Variants in SCAI observed in about 807,000 individuals in gnomAD.
The protein encoded by SCAI is suppressor of cancer cell invasion, also known as protein SCAI.
Under a neutral mutation model 92.2 loss-of-function variants are expected in SCAI, and 24 were observed. That is an observed-to-expected ratio of 0.26 (90% CI 0.19 to 0.37). SCAI has a LOEUF of 0.37. Among genes scored for constraint, SCAI ranks in the 10% least tolerant of loss-of-function variants. SCAI has a pLI of 1.00. For synonymous variants in SCAI, 261 were observed against 258.6 expected (o/e 1.01, Z -0.09); for missense variants, 450 against 736.2 (o/e 0.61, Z 4.50).
chr9:125,104,095 G>A (rs1834729023), intron 2 of SCAI, among the ~76,000 whole-genome samples: 1 of 152,140 alleles, frequency 6.6e-6, no homozygotes, highest in East Asian at 1.9e-4. Context: ...ATTACCACAA[G>A]TAGAAACAAA....
At chr9:125,019,515 T>G (rs572424791) in intron 7 of SCAI, among the ~76,000 whole-genome samples, 1 of 151,610 alleles carries the variant, frequency 6.6e-6, no homozygotes, top group Non-Finnish European at 1.5e-5. Flanking sequence ...TAAAAAAAAA[T>G]GAGGCTGGAT....
intron 3 of SCAI, among the ~76,000 whole-genome samples, chr9:125,052,555 C>T (rs1053934154): frequency 4.6e-5 from 7 of 151,718 alleles, no homozygotes; most frequent in Admixed American, 2.0e-4. Context: ...ACCCAGGAGG[C>T]GGAGGTTGCA....
chr9:125,041,046 T>G (rs1833310148), intron 3 of SCAI, among the ~76,000 whole-genome samples: 1 of 152,170 alleles, frequency 6.6e-6, no homozygotes, highest in African/African-American at 2.4e-5. Flanking sequence ...TGAAAAAAGA[T>G]CTGCATTTTT....
chr9:124,952,628 T>G lies in SCAI; in HGVS notation c.*179A>C. 2.0e-6 allele frequency: 1 copy of G among 500,910 alleles called. No individual in the cohort carries two copies. Among genetic ancestry groups the G allele is most frequent in the Non-Finnish European group, 3.4e-6 (1 of 291,432 alleles). The allele number at this position is 500,910 out of a possible 1,614,324, so 31.0% of individuals were successfully genotyped here. ...TAAGATTTTAAAAGACCTGAAAGGT[T>G]GCATTTTAAAACAGTTACCCTAAAA... On this transcript the variant is annotated 3_prime_UTR_variant, in exon 18 of 18. Coordinates refer to ENST00000336505, the MANE Select transcript of SCAI (RefSeq NM_001144877.3).
At chr9:124,996,405 G>A (rs1832240777) in intron 13 of SCAI, among the ~76,000 whole-genome samples, 1 of 152,100 alleles carries the variant, frequency 6.6e-6, no homozygotes, top group Admixed American at 6.6e-5. Flanking sequence ...AGGCTCAAGT[G>A]ATACTCCTGC....
chr9:125,128,069 T>C (rs1047681182), intron 2 of SCAI, among the ~76,000 whole-genome samples: 1 of 151,532 alleles, frequency 6.6e-6, no homozygotes, highest in African/African-American at 2.4e-5. Context: ...TTCCAGAACT[T>C]TGGGAGGCTG....
In SCAI at chr9:124,946,551, G is replaced by A. The variant is rs10986488; in HGVS notation, c.*6256C>T. 1 of 152,026 alleles carries A rather than the reference G, an allele frequency of 6.6e-6. No individual in the cohort carries two copies. The highest frequency in any genetic ancestry group is 2.4e-5 in the African/African-American group (1 of 41,406). The allele number at this position is 152,026 out of a possible 1,614,324, so 9.4% of individuals were successfully genotyped here. A position where few individuals can be genotyped will look rare whatever the true frequency, so the allele number is the denominator to read the frequency against. Reference sequence around the variant, plus strand: ...TAATTTCTGCAGTGAATGTATTTAAGTGTATATTAAACATCTCCTACACTC... The same window carrying A: ...TAATTTCTGCAGTGAATGTATTTAAATGTATATTAAACATCTCCTACACTC... On this transcript the variant is annotated 3_prime_UTR_variant, in exon 18 of 18. Transcript: ENST00000336505. The surrounding 1 kb of genome is among the most constrained non-coding windows in gnomAD (Gnocchi z 4.0).
chr9:125,075,910 C>T (rs1421898819), intron 2 of SCAI, among the ~76,000 whole-genome samples: 2 of 151,966 alleles, frequency 1.3e-5, no homozygotes, highest in African/African-American at 2.4e-5. Context: ...GTTGGCCAGG[C>T]TGGTCTCGAA....
chr9:124,976,054 C>T, intron 15 of SCAI, 60 bp downstream of exon 15: 1 of 1,043,364 alleles, frequency 9.6e-7, no homozygotes, highest in Non-Finnish European at 1.5e-6. Flanking sequence ...CAGTACTATT[C>T]ATAATATAGA....
chr9:125,013,572 C>T lies in SCAI; in HGVS notation c.861+5227G>A, dbSNP rs1344759949. Among the ~76,000 whole-genome samples the T allele has an allele frequency of 1.9e-4, 29 of 151,168 alleles. No individual in the cohort carries two copies. In the East Asian group the frequency reaches 4.5e-3, roughly 23 times the overall value. On this transcript the variant is annotated intron_variant, in intron 9 of 17. Coordinates refer to ENST00000336505, the MANE Select transcript of SCAI (RefSeq NM_001144877.3). ...CAACCAAAAAGAGTCCAGGACCAGA[C>T]GGATTCACAGCCGAATGCTACCAGA...
intron 2 of SCAI, among the ~76,000 whole-genome samples, chr9:125,056,591 G>A (rs1021708499): frequency 6.6e-6 from 1 of 152,144 alleles, no homozygotes; most frequent in Non-Finnish European, 1.5e-5. Context: ...TTGAATGCCT[G>A]TTATGTTCTA....
chr9:124,978,107 A>G (rs1221719226), intron 14 of SCAI, among the ~76,000 whole-genome samples: 2 of 152,170 alleles, frequency 1.3e-5, no homozygotes, highest in East Asian at 3.8e-4. Context: ...TGAAGAAAAT[A>G]TCTGGAACTC....
chr9:125,142,665 TG>T lies in SCAI; in HGVS notation c.65del (p.Thr22LysfsTer55), dbSNP rs1288005174. ...TCCGTTTTCGAGGCGGTTTCTCCAC[TG>T]TGCCAGTCAGTCTGCAGACCAAACA... Reference protein sequence around the residue: ...RSRLAPRLTGTVEKPPRKRRS... With the variant: ...RSRLAPRLTGXVEKPPRKRRS... On this transcript the variant is annotated frameshift_variant, in exon 2 of 18. Coordinates refer to ENST00000336505, the MANE Select transcript of SCAI (RefSeq NM_001144877.3). LOFTEE classifies it high-confidence loss of function. 6.2e-7 allele frequency: 1 copy of T among 1,613,820 alleles called. No individual in the cohort carries two copies. The highest frequency in any genetic ancestry group is 8.5e-7 in the Non-Finnish European group (1 of 1,179,726).
At chr9:125,063,426 A>G (rs577992608) in intron 2 of SCAI, among the ~76,000 whole-genome samples, 1 of 152,088 alleles carries the variant, frequency 6.6e-6, no homozygotes, top group South Asian at 2.1e-4. Context: ...AGACAGGACA[A>G]ATGGAAGGCA....
Position 124,953,086 on chromosome 9 carries a change from G to A in SCAI, c.1675-133C>T, listed in dbSNP as rs780841087. ...AATGATTCTTATTAATATATTTGTT[G>A]AATATTGAATTGCTGATATTTAACC... is the stretch of plus-strand genomic sequence containing the variant. On this transcript the variant is annotated intron_variant, in intron 17 of 17. Coordinates refer to ENST00000336505, the MANE Select transcript of SCAI (RefSeq NM_001144877.3). 2.8e-4 allele frequency: 204 copies of A among 740,748 alleles called. 2 individuals are homozygous for A. The highest frequency in any genetic ancestry group is 3.7e-4 in the Non-Finnish European group (166 of 445,902). 45.9% of individuals were successfully genotyped at this position (740,748 alleles called of 1,614,324 possible).
intron 13 of SCAI, among the ~76,000 whole-genome samples, chr9:124,998,144 G>A (rs543593717): frequency 6.5e-4 from 99 of 152,002 alleles, no homozygotes; most frequent in African/African-American, 2.3e-3. Flanking sequence ...ATTCATTTGT[G>A]CTATATTAAA....
chr9:125,088,840 CCTT>C (rs1202189275), intron 2 of SCAI, among the ~76,000 whole-genome samples: 2 of 152,100 alleles, frequency 1.3e-5, no homozygotes, highest in South Asian at 2.1e-4. Flanking sequence ...AGTTTCTTAA[CCTT>C]CTCACTCCTG....
chr9:125,062,286 G>T (rs993263709), intron 2 of SCAI, among the ~76,000 whole-genome samples: 1 of 151,318 alleles, frequency 6.6e-6, no homozygotes, highest in Non-Finnish European at 1.5e-5. Flanking sequence ...ACCATGCTCG[G>T]CTAATTTTTT....
At chr9:125,076,020 G>A (rs892502983) in intron 2 of SCAI, among the ~76,000 whole-genome samples, 1 of 152,062 alleles carries the variant, frequency 6.6e-6, no homozygotes, top group Non-Finnish European at 1.5e-5. Flanking sequence ...CTTGTTGATC[G>A]ATCATATACA....
Sources: allele counts gnomAD v4.1 joint callset (sites outside exome capture counted in the v4.1 genomes callset), GRCh38; gene constraint gnomAD v4.1.1; non-coding constraint Gnocchi (gnomAD v3.1); transcripts MANE v1.5; gene names NCBI Gene and HGNC (gene_info 2026-07-23, HGNC 2026-07-21).